Variants in LRRC4C observed in about 807,000 individuals in gnomAD.
The protein encoded by LRRC4C is leucine rich repeat containing 4C.
Under a neutral mutation model 33.6 loss-of-function variants are expected in LRRC4C, and 5 were observed. The ratio of observed to expected loss-of-function variants is 0.15; its 90% CI spans 0.08 to 0.31. LRRC4C has a LOEUF of 0.31. Among genes scored for constraint, LRRC4C ranks in the 10% least tolerant of loss-of-function variants. LRRC4C has a pLI of 1.00. For missense variants in LRRC4C, 560 were observed against 796.7 expected (o/e 0.70, Z 3.58); for synonymous variants, 329 against 302.0 (o/e 1.09, Z -0.93).
At chr11:40,502,914 T>C (rs1954848296) in intron 3 of LRRC4C, among the ~76,000 whole-genome samples, 1 of 152,178 alleles carries the variant, frequency 6.6e-6, no homozygotes, top group Admixed American at 6.5e-5. Flanking sequence ...CTTGAAGCAT[T>C]CTCGCTTTGG....
chr11:40,849,342 A>G (rs887263140), intron 2 of LRRC4C, among the ~76,000 whole-genome samples: 2 of 152,216 alleles, frequency 1.3e-5, no homozygotes, highest in Non-Finnish European at 2.9e-5. Context: ...CCTGGTGGTG[A>G]CAAAATCCCT....
chr11:41,315,152 G>A (rs1174769903), intron 1 of LRRC4C, among the ~76,000 whole-genome samples: 1 of 152,104 alleles, frequency 6.6e-6, no homozygotes, highest in African/African-American at 2.4e-5. Flanking sequence ...GAAAAAAAAT[G>A]TGCACTGAAG....
At chr11:40,666,961 T>C (rs1311580076) in intron 2 of LRRC4C, among the ~76,000 whole-genome samples, 3 of 152,196 alleles carry the variant, frequency 2.0e-5, no homozygotes, top group African/African-American at 4.8e-5. Flanking sequence ...ATACCTTGAA[T>C]TCAAATTGCC....
At chr11:40,583,102 C>A (rs61888375) in intron 3 of LRRC4C, among the ~76,000 whole-genome samples, 2 of 152,112 alleles carry the variant, frequency 1.3e-5, no homozygotes, top group Admixed American at 6.6e-5. Flanking sequence ...ACCAACCTCT[C>A]TTCATTCTCT....
chr11:40,945,017 G>GTTTTTTTTT (rs1958327148), intron 1 of LRRC4C, among the ~76,000 whole-genome samples: 6 of 134,654 alleles, frequency 4.5e-5, no homozygotes, highest in African/African-American at 1.7e-4. Flanking sequence ...CAACTTTGCA[G>GTTTTTTTTT]TTTTTCTTTT....
intron 3 of LRRC4C, among the ~76,000 whole-genome samples, chr11:40,463,562 CA>C (rs971263634): frequency 4.6e-5 from 7 of 152,116 alleles, no homozygotes; most frequent in Admixed American, 2.6e-4. Context: ...TCATTATCAA[CA>C]AAAGGCTGGA....
chr11:40,535,375 T>C (rs1956428207), intron 3 of LRRC4C, among the ~76,000 whole-genome samples: 1 of 152,242 alleles, frequency 6.6e-6, no homozygotes. Context: ...ACATCAGCTC[T>C]AGTGACTACC....
At chr11:40,867,567 A>G (rs1007383867) in intron 2 of LRRC4C, among the ~76,000 whole-genome samples, 3 of 152,214 alleles carry the variant, frequency 2.0e-5, no homozygotes, top group Admixed American at 1.3e-4. Context: ...GGGAAAAAAG[A>G]AGCAAGTTCT....
intron 4 of LRRC4C, among the ~76,000 whole-genome samples, chr11:40,256,080 C>T (rs1263452835): frequency 6.6e-6 from 1 of 152,184 alleles, no homozygotes; most frequent in Non-Finnish European, 1.5e-5. Flanking sequence ...TTTTAGTTGT[C>T]TTGGATTGCT....
At chr11:41,288,540 C>T (rs1176141325) in intron 1 of LRRC4C, among the ~76,000 whole-genome samples, 5 of 152,132 alleles carry the variant, frequency 3.3e-5, no homozygotes, top group Non-Finnish European at 5.9e-5. Context: ...GTACTCTCTA[C>T]CCCAGAATAT....
chr11:40,876,260 G>GTTTTTT lies in LRRC4C; in HGVS notation c.-407+57369_-407+57374dup, dbSNP rs34351895. Among the ~76,000 whole-genome samples the GTTTTTT allele has an allele frequency of 3.5e-4, 32 of 91,310 alleles. 4 individuals carry two copies. Among genetic ancestry groups the GTTTTTT allele is most frequent in the South Asian group, 4.5e-4 (1 of 2,238 alleles). 59.9% of individuals were successfully genotyped at this position (91,310 alleles called of 152,430 possible). A position where few individuals can be genotyped will look rare whatever the true frequency, so the allele number is the denominator to read the frequency against. ...ACAAGTCCATTCCTTCTCAGTTAGG[G>GTTTTTT]TTTTTTTTTTTTTTTTTTTTTCATT... is the stretch of plus-strand genomic sequence containing the variant. On this transcript the variant is annotated intron_variant, in intron 2 of 6. Transcript: ENST00000528697.
chr11:40,429,526 A>G (rs1277010063), intron 3 of LRRC4C, among the ~76,000 whole-genome samples: 1 of 151,942 alleles, frequency 6.6e-6, no homozygotes. Context: ...CTAAGGATTC[A>G]TCATGGATCT....
chr11:40,759,148 A>G (rs1185687946), intron 2 of LRRC4C, among the ~76,000 whole-genome samples: 2 of 147,200 alleles, frequency 1.4e-5, no homozygotes, highest in African/African-American at 4.9e-5. Flanking sequence ...TATCTTCCAT[A>G]TATATGTAAA....
At chr11:40,296,089 C>G (rs1317952637) in intron 4 of LRRC4C, among the ~76,000 whole-genome samples, 1 of 152,066 alleles carries the variant, frequency 6.6e-6, no homozygotes, top group East Asian at 1.9e-4. Context: ...TAGCTCTCTA[C>G]CAGACATCTT....
Position 40,115,636 on chromosome 11 carries a change from T to G in LRRC4C, c.657A>C (p.Ile219=). The part of the protein sequence containing the change: ...LREIPNLTPL[I]KLDELDLSGN... ...CAGAAAGATCCAGCTCATCTAGTTT[T>G]ATGAGCGGTGTGAGGTTAGGGATTT... The change falls in exon 7 of 7, where the codon ATA becomes ATC. Residue 219 remains isoleucine (I), a synonymous_variant. Coordinates refer to ENST00000528697, the MANE Select transcript of LRRC4C (RefSeq NM_001258419.2). The surrounding 1 kb of genome is among the most constrained non-coding windows in gnomAD (Gnocchi z 6.7). 5 of 1,614,184 alleles carry G rather than the reference T, an allele frequency of 3.1e-6. No homozygotes were observed. Among genetic ancestry groups the G allele is most frequent in the Non-Finnish European group, 4.2e-6 (5 of 1,180,024 alleles).
chr11:41,416,614 G>T (rs190381906), intron 1 of LRRC4C, among the ~76,000 whole-genome samples: 1 of 151,990 alleles, frequency 6.6e-6, no homozygotes, highest in Non-Finnish European at 1.5e-5. Context: ...ATGGCTGGGG[G>T]ACAGTGCGTG....
chr11:41,011,822 A>ATATATTATATTATATTATAT (rs55785708), intron 1 of LRRC4C, among the ~76,000 whole-genome samples: 28,127 of 141,482 alleles, frequency 0.2, 3,031 homozygotes, highest in Middle Eastern at 0.24. Context: ...ATTCTATGTT[A>ATATATTATATTATATTATAT]TATATTATAT....
intron 2 of LRRC4C, among the ~76,000 whole-genome samples, chr11:40,761,095 T>C (rs1949191222): frequency 6.6e-6 from 1 of 151,830 alleles, no homozygotes; most frequent in Admixed American, 6.6e-5. Flanking sequence ...TTTATGATTA[T>C]GTTTAATTTT....
intron 1 of LRRC4C, among the ~76,000 whole-genome samples, chr11:41,233,679 A>T (rs1435857866): frequency 2.0e-5 from 3 of 152,168 alleles, no homozygotes; most frequent in Admixed American, 6.6e-5. Flanking sequence ...ATTTATGCAA[A>T]TATGATAAAC....
Sources: gnomAD v4.1 joint callset for allele counts (sites outside exome capture counted in the v4.1 genomes callset) on GRCh38, gnomAD v4.1.1 for gene constraint, Gnocchi (gnomAD v3.1) non-coding constraint, MANE v1.5 for transcripts, NCBI Gene and HGNC (gene_info 2026-07-23, HGNC 2026-07-21) for gene names.